Variants in OSCAR observed in about 807,000 individuals in gnomAD.
OSCAR encodes osteoclast associated Ig-like receptor.
OSCAR carries 25 observed loss-of-function variants against 27.3 expected under a neutral mutation model. The observed-to-expected ratio is 0.92, with a 90% CI of 0.67 to 1.28. OSCAR has a LOEUF of 1.28. Among genes scored for constraint, OSCAR ranks in the 50% most tolerant of loss-of-function variants. The pLI is 0.00. For missense variants in OSCAR, 354 were observed against 355.1 expected, an observed-to-expected ratio of 1.00 and a Z score of 0.03; for synonymous variants, 158 against 165.7, an observed-to-expected ratio of 0.95 and a Z score of 0.36.
At chr19:54,099,839 G>C (rs4806708) in intron 1 of OSCAR, 59 bp from the exon 2 acceptor site, 1,209,296 of 1,554,816 alleles carry the variant, frequency 0.78, 471,044 homozygotes, top group Non-Finnish European at 0.78. Flanking sequence ...CTGAGGCAGA[G>C]TCTCACTCTG....
chr19:54,099,523 T>C, intron 2 of OSCAR: 1 of 1,389,952 alleles, frequency 7.2e-7, no homozygotes, highest in Non-Finnish European at 1.0e-6. Flanking sequence ...TATAAATGAA[T>C]ACGATGGTGA....
At chr19:54,097,289 T>C in intron 2 of OSCAR, 125 bp from the exon 3 acceptor site, 1 of 1,033,378 alleles carries the variant, frequency 9.7e-7, no homozygotes, top group Non-Finnish European at 1.4e-6. Flanking sequence ...CAGTTTCCTG[T>C]TTGTAAAATC....
chr19:54,099,482 G>T (rs2072935571), intron 2 of OSCAR: 3 of 1,088,102 alleles, frequency 2.8e-6, no homozygotes, highest in African/African-American at 3.1e-5. Flanking sequence ...GTCTTAGCAA[G>T]CTGTGACTTG....
At chr19:54,099,377 T>A (rs1346952590) in intron 2 of OSCAR, among the ~76,000 whole-genome samples, 1 of 151,690 alleles carries the variant, frequency 6.6e-6, no homozygotes, top group Non-Finnish European at 1.5e-5. Context: ...CCCAAGATCC[T>A]ATTTCTTAAG....
At chr19:54,097,222 G>A (rs1446825220) in intron 2 of OSCAR, 58 bp from the exon 3 acceptor site, 25 of 1,494,706 alleles carry the variant, frequency 1.7e-5, no homozygotes, top group Non-Finnish European at 2.2e-5. Context: ...GAAGATGAAA[G>A]GGAAGTTGGG....
In OSCAR at chr19:54,094,674, G is replaced by A. The variant is rs2072518682; in HGVS notation, c.*547C>T. 1 of 152,292 alleles carries A rather than the reference G, an allele frequency of 6.6e-6. No individual in the cohort carries two copies. The highest frequency in any genetic ancestry group is 6.6e-5 in the Admixed American group (1 of 15,260). 9.4% of individuals were successfully genotyped at this position (152,292 alleles called of 1,614,324 possible). On this transcript the variant is annotated 3_prime_UTR_variant, in exon 5 of 5. Transcript: ENST00000358375. ...ATGGCACGGACCTAAAGAGTTAGCA[G>A]CAGCAAGATTTATTGTGTAGAGCAA...
At chr19:54,096,738 G>T in intron 3 of OSCAR, 124 bp downstream of exon 3, 2 of 1,074,502 alleles carry the variant, frequency 1.9e-6, no homozygotes, top group Non-Finnish European at 2.6e-6. Context: ...CTCTGTATCT[G>T]TCTTTTCTTG....
Position 54,095,852 on chromosome 19 carries a change from C to T in OSCAR, c.655+20G>A, listed in dbSNP as rs1168971209. 1 of 1,552,024 alleles carries T rather than the reference C, an allele frequency of 6.4e-7. No homozygotes were observed. Among genetic ancestry groups the T allele is most frequent in the Non-Finnish European group, 8.7e-7 (1 of 1,147,250 alleles). On this transcript the variant is annotated intron_variant, in intron 4 of 4. Transcript: ENST00000358375. ...GCATTCCTGGGGCGGAGGAGGCGGG[C>T]CGGGCCTCAGGGCCCTCACCTTCCC... is the stretch of plus-strand genomic sequence containing the variant.
intron 3 of OSCAR, 82 bp downstream of exon 3, chr19:54,096,776 CTCTG>C (rs2072752584): frequency 1.4e-6 from 2 of 1,433,882 alleles, no homozygotes; most frequent in African/African-American, 1.4e-5. Context: ...GCCCGCCTCG[CTCTG>C]TCTCTCTTTC....
Position 54,094,937 on chromosome 19 carries a change from C to G in OSCAR, c.*284G>C. 1 of 409,240 alleles carries G rather than the reference C, an allele frequency of 2.4e-6. No homozygotes were observed. The allele number at this position is 409,240 out of a possible 1,614,324, so 25.4% of individuals were successfully genotyped here. On this transcript the variant is annotated 3_prime_UTR_variant, in exon 5 of 5. Coordinates refer to ENST00000358375, the MANE Select transcript of OSCAR (RefSeq NM_133169.6). ...AGCTGGCTTCACGTCTCACTACTAC[C>G]TTTCTGTAGCTGCTACTACTACAGT...
intron 1 of OSCAR, among the ~76,000 whole-genome samples, chr19:54,100,534 C>T (rs2072994232): frequency 6.6e-6 from 1 of 152,158 alleles, no homozygotes; most frequent in Non-Finnish European, 1.5e-5. Context: ...CTCTTCCTGC[C>T]TCAAGAACCA....
rs2072946649 is a variant in OSCAR at position 54,099,759 on chromosome 19, A to G, written c.59T>C (p.Ile20Thr). ...GGGTGGCTACTCACCAGACGGAGTG[A>G]TGTCTGTGTGACACAGAGGCCCTGT... Reference protein sequence around the residue: ...LTLWPLCHTDITPSVPPASYH... With the variant: ...LTLWPLCHTDTTPSVPPASYH... Residue 20 changes from isoleucine to threonine, a missense_variant, in exon 2 of 5, where the codon ATC (isoleucine) becomes ACC (threonine). By Grantham distance (89) the Ile-to-Thr change is moderately conservative. Coordinates refer to ENST00000358375, the MANE Select transcript of OSCAR (RefSeq NM_133169.6). 6.2e-7 allele frequency: 1 copy of G among 1,613,480 alleles called. No homozygotes were observed. The highest frequency in any genetic ancestry group is 8.5e-7 in the Non-Finnish European group (1 of 1,179,776).
rs1418102593 is a variant in OSCAR, at chr19:54,096,165, G to C, written c.374-12C>G. 6.0e-6 allele frequency: 9 copies of C among 1,500,814 alleles called. No individual in the cohort carries two copies. The highest frequency in any genetic ancestry group is 7.9e-6 in the Non-Finnish European group (9 of 1,134,164). 93.0% of individuals were successfully genotyped at this position (1,500,814 alleles called of 1,614,324 possible). A position where few individuals can be genotyped will look rare whatever the true frequency, so the allele number is the denominator to read the frequency against. ...CCGCGGCAGCTCCTCTGCAGAGACG[G>C]GGTGAGAGTCCGGGGCCGCGTGAGC... On this transcript the variant is annotated splice_polypyrimidine_tract_variant and intron_variant, in intron 3 of 4. Transcript: ENST00000358375.
At position 54,096,049 on chromosome 19, in the gene OSCAR, C is replaced by T. The variant is rs142964852; in HGVS notation, c.478G>A (p.Val160Met). 7.1e-6 allele frequency: 11 copies of T among 1,554,994 alleles called. No homozygotes were observed. The highest frequency in any genetic ancestry group is 9.5e-6 in the Non-Finnish European group (11 of 1,154,656). ...CAGRLRNMSF[V>M]LYREGVAAPL... ...GCCGCCACGCCCTCGCGGTACAGCA[C>T]GAAGCTCATGTTCCGCAGGCGGCCC... The change falls in exon 4 of 5, where the codon GTG becomes ATG. Residue 160 changes from valine (V) to methionine (M), a missense_variant. Val to Met is a conservative substitution (Grantham distance 21). Transcript: ENST00000358375.
Position 54,100,801 on chromosome 19 carries a change from G to T in OSCAR, c.-9C>A. On this transcript the variant is annotated 5_prime_UTR_variant, in exon 1 of 5. The change creates a new upstream start codon in the 5' untranslated region. Transcript: ENST00000358375. ...ATCAGCACCAGGGCCATGGTGGGCA[G>T]ATACCCGCTAGAGCTGGAGCCAGGG... The T allele has an allele frequency of 6.4e-7, 1 of 1,552,042 alleles. No individual in the cohort carries two copies. The highest frequency in any genetic ancestry group is 8.7e-7 in the Non-Finnish European group (1 of 1,147,110).
rs587712620 is a variant in OSCAR at position 54,096,770 on chromosome 19, G to A, written c.373+92C>T. The A allele has an allele frequency of 2.8e-5, 39 of 1,376,784 alleles. No homozygotes were observed. The South Asian group carries it at 4.6e-4, about 16-fold the overall frequency. 85.3% of individuals were successfully genotyped at this position (1,376,784 alleles called of 1,614,324 possible). A position where few individuals can be genotyped will look rare whatever the true frequency, so the allele number is the denominator to read the frequency against. The stretch of plus-strand genomic sequence containing the variant: ...CTTGTGTCTGTGAATCTGTTTGCCC[G>A]CCTCGCTCTGTCTCTCTTTCCCTAT... On this transcript the variant is annotated intron_variant, in intron 3 of 4. Coordinates refer to ENST00000358375, the MANE Select transcript of OSCAR (RefSeq NM_133169.6).
Position 54,095,889 on chromosome 19 carries a change from A to G in OSCAR, c.638T>C (p.Leu213Pro), listed in dbSNP as rs2072637909. The G allele has an allele frequency of 1.3e-6, 2 of 1,562,438 alleles. No individual in the cohort carries two copies. Among genetic ancestry groups the G allele is most frequent in the Non-Finnish European group, 1.7e-6 (2 of 1,153,376 alleles). Reference sequence around the variant, plus strand: ...GCCCTCACCTTCCCAGCTGATGACCAGCACCTCGCTGCGCTGCGACAGCAC... The same window carrying G: ...GCCCTCACCTTCCCAGCTGATGACCGGCACCTCGCTGCGCTGCGACAGCAC... ...PYVLSQRSEVLVISWEDSGSS... is the reference protein window; with the variant it reads ...PYVLSQRSEVPVISWEDSGSS... Residue 213 changes from leucine (L) to proline (P), a missense_variant, in exon 4 of 5, where the codon CTG (leucine) becomes CCG (proline). Transcript: ENST00000358375.
At position 54,096,316 on chromosome 19, in the gene OSCAR, GCC is replaced by G. The variant is rs2072698798; in HGVS notation, c.374-165_374-164del. On this transcript the variant is annotated intron_variant, in intron 3 of 4. Transcript: ENST00000358375. ...TCTCTCTCTGTCTGCCTCTCTCTCTGCCTCCCTCTCTCTCTGCCTCCCTCTCT... is the reference window on the plus strand; with the variant it reads ...TCTCTCTCTGTCTGCCTCTCTCTCTGTCCCTCTCTCTCTGCCTCCCTCTCT... Among the ~76,000 whole-genome samples, 2 of 144,958 alleles carry G rather than the reference GCC, an allele frequency of 1.4e-5. 1 individual carries two copies. Among genetic ancestry groups the G allele is most frequent in the African/African-American group, 5.2e-5 (2 of 38,204 alleles).
rs1568542054 is a variant in OSCAR, at chr19:54,097,155, G to T, written c.80C>A (p.Ala27Asp). 1.2e-6 allele frequency: 2 copies of T among 1,612,808 alleles called. No homozygotes were observed. The highest frequency in any genetic ancestry group is 1.7e-6 in the Non-Finnish European group (2 of 1,179,116). The change falls in exon 3 of 5, where the codon GCT (alanine) becomes GAT (aspartate). Residue 27 changes from alanine to aspartate, a missense_variant. Ala to Asp is a moderately radical substitution (Grantham distance 126). Transcript: ENST00000358375. ...CAGCCATGGCTTAGGGTGGTATGAA[G>T]CTGGGGGGACTGAATAAACGGGGCT... ...HTDITPSVPP[A>D]SYHPKPWLGA...
Sources: allele counts gnomAD v4.1 joint callset (sites outside exome capture counted in the v4.1 genomes callset), GRCh38; gene constraint gnomAD v4.1.1; transcripts MANE v1.5; gene names NCBI Gene and HGNC (gene_info 2026-07-23, HGNC 2026-07-21).